Variants in MID1 observed in about 807,000 individuals in gnomAD.
MID1 encodes the protein midline 1, also known as E3 ubiquitin-protein ligase Midline-1.
A neutral mutation model predicts 40.4 loss-of-function variants in MID1; 7 were observed. The observed-to-expected ratio is 0.17, with a 90% CI of 0.10 to 0.33. MID1 has a LOEUF of 0.33. Among genes scored for constraint, MID1 ranks in the 10% least tolerant of loss-of-function variants. The pLI is 1.00. For missense variants in MID1, 367 were observed against 558.5 expected (o/e 0.66, Z 3.46); for synonymous variants, 229 against 221.2 (o/e 1.04, Z -0.31).
intron 2 of MID1, among the ~76,000 whole-genome samples, chrX:10,531,487 A>C (rs1436488418): frequency 6.2e-5 from 7 of 112,598 alleles, no homozygotes; most frequent in Non-Finnish European, 1.1e-4. Flanking sequence ...ATATAAATTT[A>C]AGTCTAGTAT....
intron 1 of MID1, among the ~76,000 whole-genome samples, chrX:10,654,109 G>A (rs2042852970): frequency 1.8e-5 from 2 of 111,602 alleles, no homozygotes; most frequent in Non-Finnish European, 3.8e-5. Flanking sequence ...AATTCCAGCT[G>A]GGTCAACTGA....
At chrX:10,810,042 G>T (rs1049300669) in intron 1 of MID1, among the ~76,000 whole-genome samples, 2 of 111,110 alleles carry the variant, frequency 1.8e-5, no homozygotes, top group Admixed American at 9.5e-5. Flanking sequence ...TTACCATTTA[G>T]CCCTTTTAAA....
At chrX:10,619,889 ATTCT>A (rs1935904054) in intron 1 of MID1, among the ~76,000 whole-genome samples, 1 of 112,082 alleles carries the variant, frequency 8.9e-6, no homozygotes, top group Admixed American at 9.5e-5. Context: ...GCCCCGTGAA[ATTCT>A]TTTTCAGGAC....
intron 1 of MID1, among the ~76,000 whole-genome samples, chrX:10,697,051 T>A (rs1345084271): frequency 8.9e-6 from 1 of 112,097 alleles, no homozygotes; most frequent in Non-Finnish European, 1.9e-5. Flanking sequence ...TCAATAGGCA[T>A]AGGGTGTAGG....
chrX:10,548,717 A>G (rs1933794518), intron 2 of MID1, among the ~76,000 whole-genome samples: 1 of 111,171 alleles, frequency 9.0e-6, no homozygotes, highest in Non-Finnish European at 1.9e-5. Context: ...AAAATACCCA[A>G]AGTTTCATAA....
intron 1 of MID1, among the ~76,000 whole-genome samples, chrX:10,635,343 T>C (rs1936097990): frequency 1.8e-5 from 2 of 112,138 alleles, no homozygotes; most frequent in Non-Finnish European, 3.8e-5. Context: ...ATACCAAACA[T>C]TTCAAATGCT....
At chrX:10,800,399 G>C (rs912509588) in intron 1 of MID1, among the ~76,000 whole-genome samples, 2 of 112,122 alleles carry the variant, frequency 1.8e-5, no homozygotes, top group Non-Finnish European at 3.8e-5. Context: ...CCCAGGTTTA[G>C]TGGATATCCG....
intron 1 of MID1, among the ~76,000 whole-genome samples, chrX:10,640,640 G>T (rs1936181390): frequency 9.0e-6 from 1 of 111,185 alleles, no homozygotes; most frequent in Non-Finnish European, 1.9e-5. Flanking sequence ...TCCAGGAATT[G>T]AACTCAGCTC....
chrX:10,712,898 G>A (rs904116452), intron 1 of MID1, among the ~76,000 whole-genome samples: 11 of 110,969 alleles, frequency 9.9e-5, no homozygotes, highest in African/African-American at 3.3e-4. Context: ...GTGCAGTGGC[G>A]TGATCTCGGC....
At chrX:10,605,771 A>T (rs1453469497) in intron 1 of MID1, among the ~76,000 whole-genome samples, 1 of 111,720 alleles carries the variant, frequency 9.0e-6, no homozygotes, top group Non-Finnish European at 1.9e-5. Flanking sequence ...TTCTTATTAA[A>T]CTCATATACT....
chrX:10,592,543 G>C (rs1350294743), intron 1 of MID1, among the ~76,000 whole-genome samples: 1 of 110,481 alleles, frequency 9.1e-6, no homozygotes, highest in African/African-American at 3.3e-5. Flanking sequence ...AAAAAAGGAA[G>C]ATGGAAGTCA....
chrX:10,648,440 C>T (rs1485805440), intron 1 of MID1, among the ~76,000 whole-genome samples: 9 of 111,905 alleles, frequency 8.0e-5, no homozygotes, highest in Admixed American at 6.7e-4. Flanking sequence ...TATTTTTTAA[C>T]GCATTCACAG....
intron 1 of MID1, among the ~76,000 whole-genome samples, chrX:10,615,737 G>A (rs1371608759): frequency 9.0e-6 from 1 of 111,611 alleles, no homozygotes; most frequent in Non-Finnish European, 1.9e-5. Context: ...CCCTAATATT[G>A]TGTCCTTTTT....
intron 1 of MID1, among the ~76,000 whole-genome samples, chrX:10,594,559 C>T (rs1466579268): frequency 9.0e-6 from 1 of 111,353 alleles, no homozygotes; most frequent in Non-Finnish European, 1.9e-5. Context: ...ATTGGGTGCA[C>T]GTGACATCCT....
At chrX:10,658,183 G>A (rs144803397) in intron 1 of MID1, among the ~76,000 whole-genome samples, 2 of 109,749 alleles carry the variant, frequency 1.8e-5, no homozygotes, top group Middle Eastern at 4.6e-3. Flanking sequence ...CATCTGGGAG[G>A]CAATGCTAAC....
At chrX:10,515,275 C>A (rs1301977021) in intron 3 of MID1, among the ~76,000 whole-genome samples, 1 of 112,410 alleles carries the variant, frequency 8.9e-6, no homozygotes, top group Non-Finnish European at 1.9e-5. Context: ...GAAAAGTCTT[C>A]TACAGACTCC....
At chrX:10,500,520 A>C (rs1474031154) in intron 3 of MID1, among the ~76,000 whole-genome samples, 1 of 112,508 alleles carries the variant, frequency 8.9e-6, no homozygotes, top group Non-Finnish European at 1.9e-5. Context: ...AAACAAGTTA[A>C]ATACTATTCT....
intron 1 of MID1, among the ~76,000 whole-genome samples, chrX:10,608,904 G>C (rs142416451): frequency 0.021 from 2,324 of 111,488 alleles, 63 homozygotes; most frequent in African/African-American, 0.072. Context: ...TTATTTCTAG[G>C]TATAGCTGTA....
intron 1 of MID1, among the ~76,000 whole-genome samples, chrX:10,682,383 G>A (rs1209919439): frequency 9.5e-6 from 1 of 105,697 alleles, no homozygotes; most frequent in Non-Finnish European, 2.0e-5. Flanking sequence ...TAATTATTAT[G>A]CTCCCTGGCA....
Sources: gnomAD v4.1 joint callset for allele counts (sites outside exome capture counted in the v4.1 genomes callset) on GRCh38, gnomAD v4.1.1 for gene constraint, MANE v1.5 for transcripts, NCBI Gene and HGNC (gene_info 2026-07-23, HGNC 2026-07-21) for gene names.